The following CTNNBL1 variants were observed in gnomAD, a reference collection of about 807,000 sequenced individuals.
CTNNBL1 encodes the protein beta-catenin-like protein 1.
In CTNNBL1, 31 loss-of-function variants were observed where a neutral mutation model predicts 72.7. The ratio of observed to expected loss-of-function variants is 0.43; its 90% CI spans 0.32 to 0.58. The LOEUF (loss-of-function observed/expected upper bound fraction) is 0.58. Among genes scored for constraint, CTNNBL1 ranks in the 20% least tolerant of loss-of-function variants. CTNNBL1 has a pLI of 0.08. For synonymous variants in CTNNBL1, 240 were observed against 267.3 expected (o/e 0.90, Z 1.00); for missense variants, 534 against 725.1 (o/e 0.74, Z 3.03).
Position 37,818,292 on chromosome 20 carries a change from T to TTACGATACATACATTAGAGG in CTNNBL1, c.1213+15245_1213+15246insACGATACATACATTAGAGGT, listed in dbSNP as rs373501676. 9.1e-4 allele frequency among the ~76,000 whole-genome samples: 138 copies of TTACGATACATACATTAGAGG among 152,250 alleles called. 2 individuals are homozygous for TTACGATACATACATTAGAGG. The highest frequency in any genetic ancestry group is 3.1e-3 in the African/African-American group (129 of 41,568). Reference sequence around the variant, plus strand: ...TGGGGAGACAGCATGCAAATAATGATTTATGAAGTTGTCATTGGAAGCACT... The same window carrying TTACGATACATACATTAGAGG: ...TGGGGAGACAGCATGCAAATAATGATTACGATACATACATTAGAGGTTATGAAGTTGTCATTGGAAGCACT... On this transcript the variant is annotated intron_variant, in intron 11 of 15. Coordinates refer to ENST00000361383, the MANE Select transcript of CTNNBL1 (RefSeq NM_030877.5).
chr20:37,786,467 A>C (rs989663065), intron 10 of CTNNBL1, among the ~76,000 whole-genome samples: 3 of 152,050 alleles, frequency 2.0e-5, no homozygotes, highest in African/African-American at 7.2e-5. Context: ...GCTGGCACCA[A>C]TTGGATTTGT....
chr20:37,823,827 A>G (rs2072132916), intron 11 of CTNNBL1, among the ~76,000 whole-genome samples: 1 of 152,218 alleles, frequency 6.6e-6, no homozygotes, highest in Admixed American at 6.5e-5. Context: ...GAATGTAGGG[A>G]AATTCCCAGC....
chr20:37,859,605 GTT>G (rs35433241), intron 13 of CTNNBL1, among the ~76,000 whole-genome samples: 91 of 147,022 alleles, frequency 6.2e-4, no homozygotes, highest in Middle Eastern at 3.5e-3. Flanking sequence ...CCGTCAGCTT[GTT>G]TTTTTTTTTT....
chr20:37,801,412 T>TC (rs1180266940), intron 10 of CTNNBL1, among the ~76,000 whole-genome samples: 1 of 152,158 alleles, frequency 6.6e-6, no homozygotes, highest in African/African-American at 2.4e-5. Context: ...TCTCTCTACT[T>TC]CAGAGTATTT....
chr20:37,704,771 T>C (rs148208997), intron 1 of CTNNBL1, among the ~76,000 whole-genome samples: 6 of 152,110 alleles, frequency 3.9e-5, no homozygotes, highest in African/African-American at 7.2e-5. Flanking sequence ...ACTTTTATCA[T>C]TGTGGATCTC....
chr20:37,830,934 C>T lies in CTNNBL1; in HGVS notation c.1214-9168C>T, dbSNP rs550064672. On this transcript the variant is annotated intron_variant, in intron 11 of 15. Coordinates refer to ENST00000361383, the MANE Select transcript of CTNNBL1 (RefSeq NM_030877.5). ...TTCTACTGAGTGCATATTGCATTTG[C>T]ACCATCGTAAAGACAAAAAATAAGT... Among the ~76,000 whole-genome samples the T allele has an allele frequency of 3.3e-5, 5 of 152,270 alleles. No individual in the cohort carries two copies. In the South Asian group the frequency reaches 1.0e-3, roughly 32 times the overall value.
At chr20:37,835,525 A>G (rs1049305870) in intron 11 of CTNNBL1, among the ~76,000 whole-genome samples, 16 of 152,220 alleles carry the variant, frequency 1.1e-4, no homozygotes, top group Non-Finnish European at 1.5e-4. Context: ...ACAGATGCTC[A>G]TATATATACT....
At chr20:37,839,812 G>C (rs1213511410) in intron 11 of CTNNBL1, among the ~76,000 whole-genome samples, 1 of 152,102 alleles carries the variant, frequency 6.6e-6, no homozygotes, top group Non-Finnish European at 1.5e-5. Flanking sequence ...ATTCTGTTGT[G>C]GACAATAAAA....
intron 3 of CTNNBL1, among the ~76,000 whole-genome samples, chr20:37,744,975 G>GAGAAAA (rs1241962922): frequency 2.6e-5 from 4 of 152,126 alleles, no homozygotes; most frequent in African/African-American, 9.7e-5. Flanking sequence ...TCTGTGAGTT[G>GAGAAAA]AGAAAAAGGC....
chr20:37,776,255 T>C lies in CTNNBL1; in HGVS notation c.751-1090T>C, dbSNP rs1163644249. On this transcript the variant is annotated intron_variant, in intron 7 of 15. Coordinates refer to ENST00000361383, the MANE Select transcript of CTNNBL1 (RefSeq NM_030877.5). Reference sequence around the variant, plus strand: ...ATACTTGGTTGACCTCCTGAAACCCTGTAGGCTGCACTTAGCTTGATGAGG... The same window carrying C: ...ATACTTGGTTGACCTCCTGAAACCCCGTAGGCTGCACTTAGCTTGATGAGG... 2.4e-4 allele frequency among the ~76,000 whole-genome samples: 36 copies of C among 152,212 alleles called. 1 individual carries two copies. The highest frequency in any genetic ancestry group is 2.4e-3 in the Admixed American group (36 of 15,286).
At chr20:37,803,693 G>A (rs551029751) in intron 11 of CTNNBL1, among the ~76,000 whole-genome samples, 1 of 152,140 alleles carries the variant, frequency 6.6e-6, no homozygotes, top group Admixed American at 6.5e-5. Context: ...CTGGAGGCTG[G>A]CAGACACTTG....
At chr20:37,832,721 A>G (rs1180535353) in intron 11 of CTNNBL1, among the ~76,000 whole-genome samples, 1 of 152,106 alleles carries the variant, frequency 6.6e-6, no homozygotes, top group East Asian at 1.9e-4. Flanking sequence ...AGGCCCATCT[A>G]TGGATAAATA....
intron 1 of CTNNBL1, among the ~76,000 whole-genome samples, chr20:37,729,636 G>T (rs1475274277): frequency 6.6e-6 from 1 of 152,158 alleles, no homozygotes; most frequent in Non-Finnish European, 1.5e-5. Context: ...CTTGGCTGCT[G>T]CAGCAGGCTC....
intron 3 of CTNNBL1, among the ~76,000 whole-genome samples, chr20:37,742,252 T>G (rs911236816): frequency 6.6e-6 from 1 of 152,200 alleles, no homozygotes; most frequent in African/African-American, 2.4e-5. Context: ...AGCATAACTC[T>G]GTATTGTCCT....
intron 13 of CTNNBL1, among the ~76,000 whole-genome samples, chr20:37,853,208 C>A (rs945597712): frequency 2.6e-5 from 4 of 152,142 alleles, no homozygotes; most frequent in Admixed American, 2.6e-4. Flanking sequence ...CTTTGTCTAG[C>A]CATTTTTAAA....
At chr20:37,726,308 G>A (rs1250510502) in intron 1 of CTNNBL1, among the ~76,000 whole-genome samples, 1 of 152,148 alleles carries the variant, frequency 6.6e-6, no homozygotes, top group African/African-American at 2.4e-5. Context: ...ACTAGTCTGT[G>A]TTCTTATATT....
intron 10 of CTNNBL1, among the ~76,000 whole-genome samples, chr20:37,787,113 A>T (rs1600487434): frequency 1.4e-5 from 2 of 141,644 alleles, no homozygotes; most frequent in Non-Finnish European, 1.5e-5. Context: ...GATCCTTCCT[A>T]TATCCTTAGC....
At chr20:37,698,083 T>C (rs767431244) in intron 1 of CTNNBL1, among the ~76,000 whole-genome samples, 3 of 152,242 alleles carry the variant, frequency 2.0e-5, no homozygotes, top group Non-Finnish European at 4.4e-5. Flanking sequence ...TTATCCTGGA[T>C]CTTGGCCTTT....
chr20:37,704,258 G>A (rs1386406485), intron 1 of CTNNBL1, among the ~76,000 whole-genome samples: 1 of 152,162 alleles, frequency 6.6e-6, no homozygotes, highest in Non-Finnish European at 1.5e-5. Context: ...GTGCTGTCAG[G>A]GCTGTTATGG....
Sources: gnomAD v4.1 joint callset for allele counts (sites outside exome capture counted in the v4.1 genomes callset) on GRCh38, gnomAD v4.1.1 for gene constraint, MANE v1.5 for transcripts, NCBI Gene and HGNC (gene_info 2026-07-23, HGNC 2026-07-21) for gene names.